Variants in GOLPH3L observed in about 807,000 individuals in gnomAD.
GOLPH3L encodes the protein Golgi phosphoprotein 3-like.
In GOLPH3L, 22 loss-of-function variants were observed where a neutral mutation model predicts 30.3. The observed-to-expected ratio is 0.73, with a 90% CI of 0.52 to 1.04. GOLPH3L has a LOEUF of 1.04. GOLPH3L is among the 50% of genes least tolerant of loss of function. GOLPH3L has a pLI of 0.00. For synonymous variants in GOLPH3L, 120 were observed against 128.2 expected, an observed-to-expected ratio of 0.94 and a Z score of 0.43; for missense variants, 303 against 345.8, an observed-to-expected ratio of 0.88 and a Z score of 0.98.
At chr1:150,660,956 G>A (rs767373005) in intron 4 of GOLPH3L, among the ~76,000 whole-genome samples, 16 of 152,192 alleles carry the variant, frequency 1.1e-4, no homozygotes, top group East Asian at 5.8e-4. Context: ...TTGGCTGGGC[G>A]CGGTGGCTCA....
At chr1:150,690,240 C>G (rs1421499041) in intron 2 of GOLPH3L, among the ~76,000 whole-genome samples, 1 of 152,022 alleles carries the variant, frequency 6.6e-6, no homozygotes, top group African/African-American at 2.4e-5. Context: ...TTCTGTCTCC[C>G]AAAGTGCTGG....
intron 2 of GOLPH3L, among the ~76,000 whole-genome samples, chr1:150,667,638 G>C (rs965093784): frequency 6.8e-6 from 1 of 146,256 alleles, no homozygotes; most frequent in African/African-American, 2.5e-5. Flanking sequence ...CTGTCACCCA[G>C]GCTGGAGTGC....
chr1:150,663,180 G>A (rs986134510), intron 3 of GOLPH3L, among the ~76,000 whole-genome samples: 5 of 151,596 alleles, frequency 3.3e-5, no homozygotes, highest in African/African-American at 1.2e-4. Flanking sequence ...GACTACAGGC[G>A]CCCGCCACAA....
chr1:150,691,713 A>G (rs771159630), intron 2 of GOLPH3L, among the ~76,000 whole-genome samples: 7 of 152,148 alleles, frequency 4.6e-5, no homozygotes, highest in Non-Finnish European at 1.0e-4. Context: ...TTATAATTGT[A>G]CCACCTAAAT....
At chr1:150,680,965 C>T (rs1402957356) in intron 2 of GOLPH3L, among the ~76,000 whole-genome samples, 66 of 152,012 alleles carry the variant, frequency 4.3e-4, no homozygotes, top group Admixed American at 9.2e-4. Flanking sequence ...CATGGTGAAA[C>T]CCTGTCTCTA....
Position 150,648,150 on chromosome 1 carries a change from A to G in GOLPH3L, c.*171T>C. On this transcript the variant is annotated 3_prime_UTR_variant, in exon 5 of 5. Transcript: ENST00000271732. ...GTGTAGGGAGAAATAAGGTCTGCTT[A>G]TAATGGTCAAGGTCTATGGAGAAGC... The G allele has an allele frequency of 1.8e-6, 1 of 567,190 alleles. No individual in the cohort carries two copies. Among genetic ancestry groups the G allele is most frequent in the South Asian group, 2.5e-5 (1 of 39,564 alleles). 35.1% of individuals were successfully genotyped at this position (567,190 alleles called of 1,614,324 possible). A position where few individuals can be genotyped will look rare whatever the true frequency, so the allele number is the denominator to read the frequency against.
At chr1:150,682,973 A>G (rs1650991922) in intron 2 of GOLPH3L, among the ~76,000 whole-genome samples, 2 of 152,178 alleles carry the variant, frequency 1.3e-5, no homozygotes, top group Non-Finnish European at 2.9e-5. Flanking sequence ...CCTAGTACTT[A>G]CATACTGTGT....
In GOLPH3L at chr1:150,647,884, G is replaced by C; in HGVS notation, c.*437C>G. 1 of 156,138 alleles carries C rather than the reference G, an allele frequency of 6.4e-6. No homozygotes were observed. Among genetic ancestry groups the C allele is most frequent in the Non-Finnish European group, 1.4e-5 (1 of 70,846 alleles). 9.7% of individuals were successfully genotyped at this position (156,138 alleles called of 1,614,324 possible). On this transcript the variant is annotated 3_prime_UTR_variant, in exon 5 of 5. Transcript: ENST00000271732. ...TTATTTCAATAAGCTACATTATTTA[G>C]CAGAGTCTGAGAGACAAAGGCTGTG... is the stretch of plus-strand genomic sequence containing the variant.
chr1:150,692,307 T>G (rs1651231991), intron 2 of GOLPH3L, among the ~76,000 whole-genome samples: 1 of 152,206 alleles, frequency 6.6e-6, no homozygotes, highest in Non-Finnish European at 1.5e-5. Flanking sequence ...TTATTCTTCC[T>G]GAGCCAAATG....
intron 2 of GOLPH3L, among the ~76,000 whole-genome samples, chr1:150,680,298 A>G (rs760240696): frequency 2.0e-5 from 3 of 152,346 alleles, no homozygotes; most frequent in South Asian, 4.1e-4. Context: ...CTACACCTCA[A>G]TAATTCATCT....
chr1:150,680,102 C>T (rs920018242), intron 2 of GOLPH3L, among the ~76,000 whole-genome samples: 4 of 152,178 alleles, frequency 2.6e-5, no homozygotes, highest in African/African-American at 9.6e-5. Flanking sequence ...CAACAGGACG[C>T]TTCTGCAACA....
intron 2 of GOLPH3L, among the ~76,000 whole-genome samples, chr1:150,693,819 G>GTGTGTATATATATA (rs1166804199): frequency 2.3e-5 from 2 of 86,864 alleles, no homozygotes; most frequent in African/African-American, 5.0e-5. Context: ...GTGTGTGTGT[G>GTGTGTATATATATA]TATATATATA....
chr1:150,675,426 C>T (rs1277110804), intron 2 of GOLPH3L, among the ~76,000 whole-genome samples: 1 of 152,018 alleles, frequency 6.6e-6, no homozygotes, highest in African/African-American at 2.4e-5. Flanking sequence ...TTTCTGTATA[C>T]ATAAAATACA....
Position 150,653,767 on chromosome 1 carries a change from T to C in GOLPH3L, c.431-5019A>G, listed in dbSNP as rs977150245. On this transcript the variant is annotated intron_variant, in intron 4 of 4. Coordinates refer to ENST00000271732, the MANE Select transcript of GOLPH3L (RefSeq NM_018178.6). ...CACCACACCCACTACAACTATCTTTTGTTTTTTTTTTTGAGATGGAGTTTC... is the reference window on the plus strand; with the variant it reads ...CACCACACCCACTACAACTATCTTTCGTTTTTTTTTTTGAGATGGAGTTTC... Among the ~76,000 whole-genome samples the C allele has an allele frequency of 2.7e-5, 4 of 148,714 alleles. No homozygotes were observed. The East Asian group carries it at 8.1e-4, about 30-fold the overall frequency.
intron 2 of GOLPH3L, among the ~76,000 whole-genome samples, chr1:150,686,990 T>A (rs1253670691): frequency 2.6e-5 from 4 of 152,138 alleles, no homozygotes; most frequent in Non-Finnish European, 5.9e-5. Flanking sequence ...GAAAAAAACC[T>A]GACAAACAAG....
intron 4 of GOLPH3L, among the ~76,000 whole-genome samples, chr1:150,659,846 T>C (rs6690725): frequency 0.39 from 58,494 of 151,842 alleles, 11,582 homozygotes; most frequent in South Asian, 0.55. Flanking sequence ...CCAGCCTGGG[T>C]GACATAGCAA....
intron 2 of GOLPH3L, among the ~76,000 whole-genome samples, chr1:150,682,528 C>G (rs1000151668): frequency 6.9e-6 from 1 of 145,520 alleles, no homozygotes; most frequent in African/African-American, 2.5e-5. Flanking sequence ...ACTTGGGAAG[C>G]TGAGGCAGGG....
intron 2 of GOLPH3L, among the ~76,000 whole-genome samples, chr1:150,664,596 G>C (rs2101791686): frequency 6.6e-6 from 1 of 152,134 alleles, no homozygotes; most frequent in South Asian, 2.1e-4. Flanking sequence ...TGGGATTACA[G>C]GTGTGCACTG....
intron 2 of GOLPH3L, among the ~76,000 whole-genome samples, chr1:150,674,184 T>C (rs906779838): frequency 4.2e-5 from 6 of 143,180 alleles, no homozygotes; most frequent in Admixed American, 2.2e-4. Context: ...CTTTTGAATA[T>C]AGAAGTTTTC....
Sources: gnomAD v4.1 joint callset for allele counts (sites outside exome capture counted in the v4.1 genomes callset) on GRCh38, gnomAD v4.1.1 for gene constraint, MANE v1.5 for transcripts, NCBI Gene and HGNC (gene_info 2026-07-23, HGNC 2026-07-21) for gene names.